The following CPNE8 variants were observed in gnomAD, a reference collection of about 807,000 sequenced individuals.
CPNE8 encodes copine-8.
CPNE8 carries 45 observed loss-of-function variants against 81.5 expected under a neutral mutation model. The ratio of observed to expected loss-of-function variants is 0.55; its 90% CI spans 0.44 to 0.71. The LOEUF (loss-of-function observed/expected upper bound fraction) is 0.71. CPNE8 is among the 30% of genes least tolerant of loss of function. The probability of loss-of-function intolerance (pLI) is 0.00; values close to 1 mark genes in which losing one functional copy is unlikely to be tolerated. For synonymous variants in CPNE8, 252 were observed against 226.3 expected (o/e 1.11, Z -1.02); for missense variants, 594 against 672.1 (o/e 0.88, Z 1.28).
chr12:38,902,399 G>GAA (rs778285582), intron 1 of CPNE8, among the ~76,000 whole-genome samples: 1 of 137,160 alleles, frequency 7.3e-6, no homozygotes, highest in Non-Finnish European at 1.5e-5. Flanking sequence ...GAAAGAGAAA[G>GAA]AAAGAAAGAA....
At chr12:38,745,083 A>G (rs1283976701) in intron 10 of CPNE8, among the ~76,000 whole-genome samples, 1 of 152,192 alleles carries the variant, frequency 6.6e-6, no homozygotes, top group Non-Finnish European at 1.5e-5. Flanking sequence ...TTCAATACAT[A>G]CTATCCAGTC....
chr12:38,893,840 C>T (rs921088288), intron 1 of CPNE8, among the ~76,000 whole-genome samples: 2 of 152,130 alleles, frequency 1.3e-5, no homozygotes, highest in South Asian at 4.1e-4. Context: ...ATTCATATTT[C>T]AATATCATTT....
At position 38,829,429 on chromosome 12, in the gene CPNE8, T is replaced by C. The variant is rs193237327; in HGVS notation, c.357A>G (p.Thr119=). The part of the protein sequence containing the change: ...KHDFLGQVFC[T]LGEIVGSQGS... Reference sequence around the variant, plus strand: ...CCTGTGAACCAACGATCTCTCCCAATGTACAAAACACTTGTCCCAGAAAGT... The same window carrying C: ...CCTGTGAACCAACGATCTCTCCCAACGTACAAAACACTTGTCCCAGAAAGT... The change falls in exon 6 of 20, where the codon ACA becomes ACG. Residue 119 remains threonine, a synonymous_variant. Coordinates refer to ENST00000331366, the MANE Select transcript of CPNE8 (RefSeq NM_153634.3). The C allele has an allele frequency of 6.8e-6, 11 of 1,613,098 alleles. No individual in the cohort carries two copies. The highest frequency in any genetic ancestry group is 1.7e-5 in the Admixed American group (1 of 59,980).
At chr12:38,881,209 CAAAA>C (rs11336431) in intron 1 of CPNE8, among the ~76,000 whole-genome samples, 3 of 126,484 alleles carry the variant, frequency 2.4e-5, no homozygotes, top group Non-Finnish European at 3.4e-5. Flanking sequence ...GATTCCGTCT[CAAAA>C]AAAAAAAAAA....
chr12:38,893,301 A>T (rs919587751), intron 1 of CPNE8, among the ~76,000 whole-genome samples: 50 of 152,198 alleles, frequency 3.3e-4, no homozygotes, highest in Admixed American at 3.3e-3. Context: ...AGCACAAGAT[A>T]CATGTCATAA....
chr12:38,862,579 AG>A (rs746152206), intron 3 of CPNE8, among the ~76,000 whole-genome samples: 2 of 152,228 alleles, frequency 1.3e-5, no homozygotes, highest in Non-Finnish European at 2.9e-5. Flanking sequence ...AGCCTCTCAA[AG>A]GAGAATTTTT....
At chr12:38,790,407 A>T (rs964650632) in intron 6 of CPNE8, among the ~76,000 whole-genome samples, 2 of 151,668 alleles carry the variant, frequency 1.3e-5, no homozygotes, top group Non-Finnish European at 3.0e-5. Flanking sequence ...TGAGCTCATA[A>T]GACAGAGAGT....
chr12:38,704,576 T>G (rs1367150752), intron 13 of CPNE8, among the ~76,000 whole-genome samples: 1 of 151,974 alleles, frequency 6.6e-6, no homozygotes, highest in Admixed American at 6.6e-5. Context: ...TAGCCTATTT[T>G]ACTGTGTTCT....
intron 6 of CPNE8, among the ~76,000 whole-genome samples, chr12:38,821,433 T>G (rs1418500597): frequency 1.3e-5 from 2 of 152,186 alleles, no homozygotes; most frequent in African/African-American, 4.8e-5. Flanking sequence ...AATTATTTGC[T>G]CTATAAAGTT....
chr12:38,836,267 C>T (rs1752806295), intron 5 of CPNE8, among the ~76,000 whole-genome samples: 1 of 152,104 alleles, frequency 6.6e-6, no homozygotes, highest in African/African-American at 2.4e-5. Context: ...AAAAAGATGT[C>T]CCTAGATTCC....
chr12:38,798,094 G>A (rs1245669711), intron 6 of CPNE8, among the ~76,000 whole-genome samples: 1 of 152,166 alleles, frequency 6.6e-6, no homozygotes, highest in African/African-American at 2.4e-5. Flanking sequence ...GAAAGTGACA[G>A]GGAGAATGGA....
intron 5 of CPNE8, among the ~76,000 whole-genome samples, chr12:38,832,566 T>C (rs557637238): frequency 4.7e-4 from 71 of 152,268 alleles, no homozygotes; most frequent in Admixed American, 1.8e-3. Context: ...AGCTGGGAAG[T>C]GTAAGGCTAT....
chr12:38,905,334 A>C lies in CPNE8; in HGVS notation c.98+103T>G, dbSNP rs1431768798. On this transcript the variant is annotated intron_variant, in intron 1 of 19. Coordinates refer to ENST00000331366, the MANE Select transcript of CPNE8 (RefSeq NM_153634.3). ...TGAGATATTTCCCACTCATGGCGCAACTTCTTGCCTGCGCAAAGCCTCGTG... is the reference window on the plus strand; with the variant it reads ...TGAGATATTTCCCACTCATGGCGCACCTTCTTGCCTGCGCAAAGCCTCGTG... 2.2e-6 allele frequency: 3 copies of C among 1,342,648 alleles called. No individual in the cohort carries two copies. In the Admixed American group the frequency reaches 6.3e-5, roughly 28 times the overall value. The allele number at this position is 1,342,648 out of a possible 1,614,324, so 83.2% of individuals were successfully genotyped here.
At chr12:38,832,118 A>C (rs1277480076) in intron 5 of CPNE8, among the ~76,000 whole-genome samples, 2 of 152,200 alleles carry the variant, frequency 1.3e-5, no homozygotes, top group Non-Finnish European at 2.9e-5. Flanking sequence ...CAAAGGCCAC[A>C]CACACACTGG....
At chr12:38,801,041 T>A (rs2136958874) in intron 6 of CPNE8, among the ~76,000 whole-genome samples, 1 of 149,560 alleles carries the variant, frequency 6.7e-6, no homozygotes, top group African/African-American at 2.5e-5. Context: ...TTGGTGTACC[T>A]GAAAGTGATG....
At chr12:38,791,079 C>G (rs974932054) in intron 6 of CPNE8, among the ~76,000 whole-genome samples, 1 of 151,702 alleles carries the variant, frequency 6.6e-6, no homozygotes, top group Non-Finnish European at 1.5e-5. Flanking sequence ...ACTATGTACA[C>G]TTTCATCTTC....
intron 5 of CPNE8, among the ~76,000 whole-genome samples, chr12:38,833,840 A>G (rs1189312511): frequency 2.6e-5 from 4 of 152,164 alleles, no homozygotes; most frequent in Admixed American, 6.6e-5. Context: ...GCAGTCAGGT[A>G]AGTCCTTGCA....
chr12:38,805,769 G>C lies in CPNE8; in HGVS notation c.407+23610C>G, dbSNP rs910865627. On this transcript the variant is annotated intron_variant, in intron 6 of 19. Transcript: ENST00000331366. The stretch of plus-strand genomic sequence containing the variant: ...TAACTAAGATCAGAGCAGAACTGAA[G>C]GAAATAGAGACACAAAAAACCCTTC... Among the ~76,000 whole-genome samples the C allele has an allele frequency of 3.0e-4, 44 of 147,790 alleles. 2 individuals carry two copies. The highest frequency in any genetic ancestry group is 5.1e-4 in the Non-Finnish European group (34 of 66,772).
chr12:38,865,333 A>T (rs892825429), intron 3 of CPNE8, among the ~76,000 whole-genome samples: 1 of 152,232 alleles, frequency 6.6e-6, no homozygotes, highest in Non-Finnish European at 1.5e-5. Flanking sequence ...AGATATGTAC[A>T]AGATTGTTCT....
Sources: gnomAD v4.1 joint callset for allele counts (sites outside exome capture counted in the v4.1 genomes callset) on GRCh38, gnomAD v4.1.1 for gene constraint, MANE v1.5 for transcripts, NCBI Gene and HGNC (gene_info 2026-07-23, HGNC 2026-07-21) for gene names.